GABRA5: variants seen among roughly 807,000 people sequenced by gnomAD.
The protein encoded by GABRA5 is gamma-aminobutyric acid receptor subunit alpha-5.
A neutral mutation model predicts 47.3 loss-of-function variants in GABRA5; 18 were observed. The ratio of observed to expected loss-of-function variants is 0.38; its 90% CI spans 0.26 to 0.56. The LOEUF (loss-of-function observed/expected upper bound fraction) is 0.56. Among genes scored for constraint, GABRA5 ranks in the 20% least tolerant of loss-of-function variants. The probability of loss-of-function intolerance (pLI) is 0.71; values close to 1 mark genes in which losing one functional copy is unlikely to be tolerated. For synonymous variants in GABRA5, 237 were observed against 229.3 expected, an observed-to-expected ratio of 1.03 and a Z score of -0.30; for missense variants, 365 against 599.3, an observed-to-expected ratio of 0.61 and a Z score of 4.08.
chr15:26,921,221 T>C (rs1338475123), intron 7 of GABRA5, among the ~76,000 whole-genome samples: 1 of 152,174 alleles, frequency 6.6e-6, no homozygotes, highest in African/African-American at 2.4e-5. Context: ...AGATGTTTGT[T>C]ACAATTCTTC....
At chr15:26,866,930 C>T (rs1290961626), upstream of GABRA5, 2 of 152,232 alleles carry the variant, frequency 1.3e-5, no homozygotes, top group African/African-American at 2.4e-5. Context: ...GTTGAGGGCC[C>T]TGGAGAAACT....
At chr15:26,941,261 T>G (rs1894377093) in intron 9 of GABRA5, among the ~76,000 whole-genome samples, 1 of 152,060 alleles carries the variant, frequency 6.6e-6, no homozygotes, top group Non-Finnish European at 1.5e-5. Context: ...ATTTAGCTGG[T>G]AGGCAGAAAA....
intron 3 of GABRA5, among the ~76,000 whole-genome samples, chr15:26,872,406 C>T (rs746069513): frequency 2.6e-5 from 4 of 152,128 alleles, no homozygotes; most frequent in Non-Finnish European, 4.4e-5. Flanking sequence ...GTGACTCCGC[C>T]CCCTGTCACT....
At position 26,930,250 on chromosome 15, in the gene GABRA5, T is replaced by C. The variant is rs139815729; in HGVS notation, c.581-6935T>C. On this transcript the variant is annotated intron_variant, in intron 7 of 10. Transcript: ENST00000335625. Reference sequence around the variant, plus strand: ...CTGGTCACAAACTCCTCAGGTGACCTGCCTGCCTCAGCCTCCCAAAGTGCT... The same window carrying C: ...CTGGTCACAAACTCCTCAGGTGACCCGCCTGCCTCAGCCTCCCAAAGTGCT... 8.2e-3 allele frequency among the ~76,000 whole-genome samples: 1,246 copies of C among 152,150 alleles called. 13 individuals carry two copies. Among genetic ancestry groups the C allele is most frequent in the Middle Eastern group, 0.024 (7 of 294 alleles).
intron 3 of GABRA5, among the ~76,000 whole-genome samples, chr15:26,877,255 C>T (rs1892622057): frequency 6.6e-6 from 1 of 152,168 alleles, no homozygotes; most frequent in Non-Finnish European, 1.5e-5. Flanking sequence ...CCTCACTGTC[C>T]AGCCAGTGTC....
chr15:26,938,194 G>A (rs1894293438), intron 8 of GABRA5, among the ~76,000 whole-genome samples: 1 of 152,196 alleles, frequency 6.6e-6, no homozygotes, highest in African/African-American at 2.4e-5. Flanking sequence ...CACGCAGTCA[G>A]CACCCTGTTG....
At chr15:26,916,971 G>A (rs1468323061) in intron 7 of GABRA5, among the ~76,000 whole-genome samples, 4 of 151,998 alleles carry the variant, frequency 2.6e-5, no homozygotes, top group South Asian at 2.1e-4. Context: ...GTCTTTTGGT[G>A]GAGTTTTTTG....
intron 6 of GABRA5, among the ~76,000 whole-genome samples, chr15:26,909,589 C>T (rs1893530461): frequency 6.6e-6 from 1 of 152,158 alleles, no homozygotes. Context: ...TGTTTCTTGC[C>T]TCTTCCGGTT....
chr15:26,883,249 TG>T lies in GABRA5; in HGVS notation c.276+18del, dbSNP rs1410503056. The T allele has an allele frequency of 6.2e-7, 1 of 1,613,648 alleles. No homozygotes were observed. The highest frequency in any genetic ancestry group is 1.1e-5 in the South Asian group (1 of 91,082). On this transcript the variant is annotated intron_variant, in intron 5 of 10. Coordinates refer to ENST00000335625, the MANE Select transcript of GABRA5 (RefSeq NM_000810.4). This position sits in a 1 kb window ranked among gnomAD's most constrained non-coding sequence, Gnocchi z 4.8. ...CACGGAAATGGTAGGTCCCGGGGCATGGCTGGGCAGACAATTCTTACTCCGC... is the reference window on the plus strand; with the variant it reads ...CACGGAAATGGTAGGTCCCGGGGCATGCTGGGCAGACAATTCTTACTCCGC...
In GABRA5 at chr15:26,898,035, T is replaced by A. The variant is rs142000544; in HGVS notation, c.497+14478T>A. Among the ~76,000 whole-genome samples, 698 of 152,312 alleles carry A rather than the reference T, an allele frequency of 4.6e-3. 5 individuals are homozygous for A. The highest frequency in any genetic ancestry group is 0.016 in the African/African-American group (682 of 41,562). ...TCCAGATATTCCCAGAATATTTGCC[T>A]GGCCACTTAGGGGTAATGATAGACT... On this transcript the variant is annotated intron_variant, in intron 6 of 10. Transcript: ENST00000335625.
chr15:26,918,181 T>C (rs1210546540), intron 7 of GABRA5, among the ~76,000 whole-genome samples: 2 of 152,174 alleles, frequency 1.3e-5, no homozygotes, highest in African/African-American at 4.8e-5. Flanking sequence ...TAGATGCCAA[T>C]AAGTTTTGAT....
rs963949932 is a variant in GABRA5, at chr15:26,940,167, C to G, written c.877+90C>G. The G allele has an allele frequency of 2.1e-5, 22 of 1,066,316 alleles. No homozygotes were observed. In the African/African-American group the frequency reaches 3.2e-4, roughly 15 times the overall value. The allele number at this position is 1,066,316 out of a possible 1,614,324, so 66.1% of individuals were successfully genotyped here. ...AACAGCAACAACCTCCACGAAACTT[C>G]TAGTGCTGCCTCTTTGTTGTGTGAC... On this transcript the variant is annotated intron_variant, in intron 9 of 10. Coordinates refer to ENST00000335625, the MANE Select transcript of GABRA5 (RefSeq NM_000810.4).
chr15:26,948,290 A>G lies in GABRA5; in HGVS notation c.*57A>G, dbSNP rs1595441520. On this transcript the variant is annotated 3_prime_UTR_variant, in exon 11 of 11. Transcript: ENST00000335625. The stretch of plus-strand genomic sequence containing the variant: ...TACTTCCAGCGAAATGGTACCAAGG[A>G]GAGGTCTTGCTCACAGGGACTCTCC... 1.9e-6 allele frequency: 3 copies of G among 1,546,880 alleles called. No individual in the cohort carries two copies. In the Admixed American group the frequency reaches 5.6e-5, roughly 29 times the overall value.
chr15:26,911,398 A>AACACACACACACACACACAC (rs1211826336), intron 6 of GABRA5, among the ~76,000 whole-genome samples: 76 of 96,834 alleles, frequency 7.8e-4, no homozygotes, highest in Middle Eastern at 4.9e-3. Flanking sequence ...CACACACACA[A>AACACACACACACACACACAC]ACACACACAC....
intron 6 of GABRA5, among the ~76,000 whole-genome samples, chr15:26,910,178 T>C (rs987613372): frequency 6.6e-6 from 1 of 152,082 alleles, no homozygotes; most frequent in African/African-American, 2.4e-5. Context: ...ATTTGGCCAT[T>C]TTACCCATCA....
intron 3 of GABRA5, among the ~76,000 whole-genome samples, chr15:26,878,524 A>C (rs909772502): frequency 6.6e-5 from 10 of 151,890 alleles, no homozygotes; most frequent in South Asian, 2.1e-4. Context: ...ACAAAAAAAA[A>C]CCCCTCTGCT....
chr15:26,907,071 G>T (rs147815917), intron 6 of GABRA5, among the ~76,000 whole-genome samples: 2,011 of 152,184 alleles, frequency 0.013, 99 homozygotes, highest in South Asian at 0.11. Flanking sequence ...TCTGATGGTT[G>T]GTCTCATGTA....
intron 7 of GABRA5, among the ~76,000 whole-genome samples, chr15:26,930,006 CT>C (rs72082419): frequency 0.17 from 19,854 of 113,572 alleles, 1,411 homozygotes; most frequent in East Asian, 0.44. Context: ...TCTTCTTCTT[CT>C]TTTTTTTTTT....
At chr15:26,897,282 C>T (rs1265219149) in intron 6 of GABRA5, among the ~76,000 whole-genome samples, 1 of 152,044 alleles carries the variant, frequency 6.6e-6, no homozygotes, top group Non-Finnish European at 1.5e-5. Context: ...TTAGGAAGGG[C>T]CCTCATCCAA....
Sources: gnomAD v4.1 joint callset for allele counts (sites outside exome capture counted in the v4.1 genomes callset) on GRCh38, gnomAD v4.1.1 for gene constraint, Gnocchi (gnomAD v3.1) non-coding constraint, MANE v1.5 for transcripts, NCBI Gene and HGNC (gene_info 2026-07-23, HGNC 2026-07-21) for gene names.